HDAC9: variants seen among roughly 807,000 people sequenced by gnomAD.
HDAC9 encodes histone deacetylase 9, also known as MEF-2 interacting transcription repressor (MITR) protein.
In HDAC9, 41 loss-of-function variants were observed where a neutral mutation model predicts 139.4. The observed-to-expected ratio is 0.29, with a 90% confidence interval of 0.23 to 0.38. The LOEUF (loss-of-function observed/expected upper bound fraction) is 0.38, where lower values mean the gene tolerates loss of function less well. Ranked by LOEUF, HDAC9 falls within the 10% of genes least tolerant of loss-of-function variation. HDAC9 has a pLI of 1.00. For missense variants in HDAC9, 1,147 were observed against 1,297.0 expected (o/e 0.88, Z 1.78); for synonymous variants, 517 against 476.2 (o/e 1.09, Z -1.12).
intron 11 of HDAC9, among the ~76,000 whole-genome samples, chr7:18,657,706 C>A (rs964459688): frequency 6.6e-6 from 1 of 152,130 alleles, no homozygotes; most frequent in Non-Finnish European, 1.5e-5. Flanking sequence ...TTTGAAAATT[C>A]AGTCTTCCTC....
chr7:18,694,786 A>G (rs1288755383), intron 12 of HDAC9, among the ~76,000 whole-genome samples: 2 of 152,132 alleles, frequency 1.3e-5, no homozygotes, highest in African/African-American at 4.8e-5. Flanking sequence ...TGAAAACTAC[A>G]TTAAAGAGGC....
chr7:18,719,331 CTTTTTTTTT>C (rs757689693), intron 12 of HDAC9, among the ~76,000 whole-genome samples: 11 of 73,896 alleles, frequency 1.5e-4, no homozygotes, highest in South Asian at 5.5e-4. Flanking sequence ...TTTTCTCTTC[CTTTTTTTTT>C]TTTTTTTTTT....
intron 13 of HDAC9, among the ~76,000 whole-genome samples, chr7:18,738,424 T>G (rs966599772): frequency 2.6e-5 from 4 of 152,220 alleles, no homozygotes; most frequent in African/African-American, 9.6e-5. Context: ...TGTTTAGTGC[T>G]TCCTTCAGGA....
intron 2 of HDAC9, among the ~76,000 whole-genome samples, chr7:18,194,391 TG>T (rs1562733563): frequency 2.0e-4 from 31 of 152,324 alleles, no homozygotes; most frequent in African/African-American, 7.5e-4. Flanking sequence ...ATTTTCATTG[TG>T]GTTAAATTTT....
rs78195677 is a variant in HDAC9, at chr7:18,302,019, T to C, written c.-42+11504T>C. The stretch of plus-strand genomic sequence containing the variant: ...AATGACTCTACTGCTTTTGAAGTCA[T>C]ATGTGTGGTTCTTAAAAATTTAAAA... On this transcript the variant is annotated intron_variant, in intron 1 of 3. Coordinates refer to the HDAC9 transcript ENST00000413509. Among the ~76,000 whole-genome samples, 1,517 of 152,358 alleles carry C rather than the reference T, an allele frequency of 1.0e-2. 19 individuals are homozygous for C. The highest frequency in any genetic ancestry group is 0.035 in the African/African-American group (1,439 of 41,578).
chr7:18,991,193 C>T (rs1289384000), intron 25 of HDAC9, among the ~76,000 whole-genome samples: 1 of 151,938 alleles, frequency 6.6e-6, no homozygotes, highest in Non-Finnish European at 1.5e-5. Flanking sequence ...TATGGGATGT[C>T]TAGTATGTAT....
chr7:18,474,822 A>C (rs1359251034), intron 1 of HDAC9, among the ~76,000 whole-genome samples: 1 of 152,082 alleles, frequency 6.6e-6, no homozygotes, highest in Non-Finnish European at 1.5e-5. Flanking sequence ...GGTAGTATGG[A>C]AGGAAGAAAG....
At chr7:18,583,162 G>C (rs1828350235) in intron 2 of HDAC9, among the ~76,000 whole-genome samples, 1 of 151,674 alleles carries the variant, frequency 6.6e-6, no homozygotes, top group Non-Finnish European at 1.5e-5. Flanking sequence ...TACTATTGAT[G>C]GTTTATTTTA....
intron 1 of HDAC9, among the ~76,000 whole-genome samples, chr7:18,091,602 A>T (rs1306163557): frequency 6.6e-6 from 1 of 152,240 alleles, no homozygotes; most frequent in African/African-American, 2.4e-5. Context: ...TGTGTAACAC[A>T]TTTCCACAAA....
chr7:18,875,276 A>G (rs1219929564), intron 22 of HDAC9, among the ~76,000 whole-genome samples: 1 of 152,210 alleles, frequency 6.6e-6, no homozygotes, highest in Non-Finnish European at 1.5e-5. Flanking sequence ...AGGTATATAT[A>G]TATAGCTCAC....
chr7:18,442,731 A>G (rs980260815), intron 1 of HDAC9, among the ~76,000 whole-genome samples: 2 of 152,322 alleles, frequency 1.3e-5, no homozygotes, highest in African/African-American at 4.8e-5. Flanking sequence ...CTCTAGTGTC[A>G]TGGAAAAGCT....
intron 1 of HDAC9, among the ~76,000 whole-genome samples, chr7:18,410,721 G>A (rs901102685): frequency 1.3e-4 from 20 of 152,120 alleles, no homozygotes; most frequent in African/African-American, 4.6e-4. Context: ...TATTGTGTCA[G>A]GAAAGAAGAA....
chr7:18,364,252 A>C (rs574574533), intron 1 of HDAC9, among the ~76,000 whole-genome samples: 147 of 152,232 alleles, frequency 9.7e-4, no homozygotes, highest in African/African-American at 3.1e-3. Flanking sequence ...CTGGCTGTGC[A>C]GTGTTAGTAA....
At chr7:18,590,105 G>T (rs190889815) in intron 3 of HDAC9, among the ~76,000 whole-genome samples, 11 of 152,288 alleles carry the variant, frequency 7.2e-5, no homozygotes, top group Admixed American at 5.9e-4. Flanking sequence ...AGTTAGTTTT[G>T]ATAGGGATGC....
intron 2 of HDAC9, among the ~76,000 whole-genome samples, chr7:18,202,521 T>G (rs752847749): frequency 3.3e-5 from 5 of 152,226 alleles, no homozygotes; most frequent in South Asian, 2.1e-4. Flanking sequence ...TTTTTATGCT[T>G]GCAGGTTTCA....
rs1797410805 is a variant in HDAC9 at position 18,852,935 on chromosome 7, A to T, written c.2684+16938A>T. Among the ~76,000 whole-genome samples the T allele has an allele frequency of 2.0e-5, 3 of 152,104 alleles. No homozygotes were observed. In the South Asian group the frequency reaches 6.2e-4, roughly 31 times the overall value. On this transcript the variant is annotated intron_variant, in intron 21 of 25. Transcript: ENST00000686413. The stretch of plus-strand genomic sequence containing the variant: ...AGAAGAAAGGATCCATCGAGGAAAA[A>T]TAATGAAGTCAATCCAAACCAAACA...
At chr7:18,304,939 C>T (rs1466738584) in intron 1 of HDAC9, among the ~76,000 whole-genome samples, 1 of 145,726 alleles carries the variant, frequency 6.9e-6, no homozygotes, top group Non-Finnish European at 1.5e-5. Flanking sequence ...GTGAATCCTT[C>T]CTAACACATC....
intron 1 of HDAC9, among the ~76,000 whole-genome samples, chr7:18,310,780 C>T (rs1284266052): frequency 6.7e-6 from 1 of 149,574 alleles, no homozygotes; most frequent in Non-Finnish European, 1.5e-5. Context: ...ACATTTTCTA[C>T]AGATTTTTAT....
In HDAC9 at chr7:18,937,030, A is replaced by ATTTT. The variant is rs768350029; in HGVS notation, c.2937+1110_2937+1113dup. 1.2e-3 allele frequency among the ~76,000 whole-genome samples: 120 copies of ATTTT among 96,690 alleles called. 2 individuals carry two copies. The highest frequency in any genetic ancestry group is 1.7e-3 in the Non-Finnish European group (89 of 51,268). 63.4% of individuals were successfully genotyped at this position (96,690 alleles called of 152,430 possible). A position where few individuals can be genotyped will look rare whatever the true frequency, so the allele number is the denominator to read the frequency against. ...TTGCTCAAGTACTTTGCTCTTGTTA[A>ATTTT]TTTTTTTTTTTTTTTTTTTTTTTTT... On this transcript the variant is annotated intron_variant, in intron 23 of 25. Coordinates refer to ENST00000686413, the MANE Select transcript of HDAC9 (RefSeq NM_178425.4).
Sources: allele counts gnomAD v4.1 joint callset (sites outside exome capture counted in the v4.1 genomes callset), GRCh38; gene constraint gnomAD v4.1.1; transcripts MANE v1.5; gene names NCBI Gene and HGNC (gene_info 2026-07-23, HGNC 2026-07-21).